The following CCDC152 variants were observed in gnomAD, a reference collection of about 807,000 sequenced individuals.
CCDC152 encodes the protein coiled-coil domain containing 152.
In CCDC152, 37 loss-of-function variants were observed where a neutral mutation model predicts 38.1. The observed-to-expected ratio is 0.97, with a 90% CI of 0.75 to 1.28. The LOEUF is 1.28. Ranked by LOEUF, CCDC152 falls within the 50% of genes most tolerant of loss-of-function variation. The pLI is 0.00. For synonymous variants in CCDC152, 83 were observed against 87.1 expected (o/e 0.95, Z 0.26); for missense variants, 259 against 292.1 (o/e 0.89, Z 0.83).
intron 2 of CCDC152, 67 bp from the exon 3 acceptor site, chr5:42,762,376 A>G: frequency 3.7e-6 from 3 of 812,560 alleles, no homozygotes; most frequent in Non-Finnish European, 4.0e-6. Context: ...TAGTCTGCAT[A>G]TACTTAATAA....
At chr5:42,758,021 C>A (rs1484891989) in intron 1 of CCDC152, among the ~76,000 whole-genome samples, 1 of 152,048 alleles carries the variant, frequency 6.6e-6, no homozygotes, top group African/African-American at 2.4e-5. Context: ...TCATGGGAGG[C>A]TATTAACAAA....
intron 1 of CCDC152, 37 bp from the exon 2 acceptor site, chr5:42,759,080 ATTT>A: frequency 7.6e-7 from 1 of 1,318,272 alleles, no homozygotes; most frequent in Non-Finnish European, 1.1e-6. Context: ...TTTAGATCTT[ATTT>A]ATTTATTTAA....
chr5:42,793,479 G>A (rs1760033097), intron 6 of CCDC152, among the ~76,000 whole-genome samples: 1 of 151,990 alleles, frequency 6.6e-6, no homozygotes, highest in Non-Finnish European at 1.5e-5. Context: ...ACCTAAGCAA[G>A]CTCAATTATA....
At chr5:42,768,227 T>C (rs1251711188) in intron 3 of CCDC152, among the ~76,000 whole-genome samples, 1 of 152,218 alleles carries the variant, frequency 6.6e-6, no homozygotes, top group African/African-American at 2.4e-5. Flanking sequence ...ACAAAACATA[T>C]GTTATTTTCA....
intron 6 of CCDC152, among the ~76,000 whole-genome samples, chr5:42,785,663 G>A (rs1326649046): frequency 6.6e-6 from 1 of 152,066 alleles, no homozygotes; most frequent in Non-Finnish European, 1.5e-5. Context: ...TCAGTACTAT[G>A]TTGAATAGGG....
chr5:42,796,257 A>G (rs970889121), intron 6 of CCDC152, among the ~76,000 whole-genome samples: 5 of 151,824 alleles, frequency 3.3e-5, no homozygotes, highest in Admixed American at 6.6e-5. Flanking sequence ...TAAAATTAAA[A>G]AAAAAAAAAA....
intron 4 of CCDC152, among the ~76,000 whole-genome samples, chr5:42,777,308 C>G (rs1482652015): frequency 6.6e-6 from 1 of 151,842 alleles, no homozygotes; most frequent in Non-Finnish European, 1.5e-5. Flanking sequence ...ACCAAAAATA[C>G]AAAAATTAGC....
rs189123 is a variant in CCDC152, at chr5:42,798,132, C to T, written c.558+1176C>T. Among the ~76,000 whole-genome samples the T allele has an allele frequency of 2.1e-3, 317 of 152,172 alleles. 2 individuals carry two copies. The highest frequency in any genetic ancestry group is 7.2e-3 in the African/African-American group (300 of 41,536). ...TGCCACTGCACTCCAGCCTGGGCAA[C>T]AGAACGAAAAAAATAAATAAATAAA... is the stretch of plus-strand genomic sequence containing the variant. On this transcript the variant is annotated intron_variant, in intron 7 of 8. Transcript: ENST00000361970.
rs140571959 is a variant in CCDC152, at chr5:42,790,800, A to G, written c.431-6029A>G. ...GGAATAAGCTTGCCTTCGTAGCCCT[A>G]TCAAGCTCAGTCATTGACTGGGAGT... On this transcript the variant is annotated intron_variant, in intron 6 of 8. Transcript: ENST00000361970. Among the ~76,000 whole-genome samples, 207 of 152,354 alleles carry G rather than the reference A, an allele frequency of 1.4e-3. 1 individual carries two copies. Among genetic ancestry groups the G allele is most frequent in the African/African-American group, 4.7e-3 (196 of 41,588 alleles).
At position 42,767,748 on chromosome 5, in the gene CCDC152, G is replaced by T. The variant is rs190104075; in HGVS notation, c.194-1849G>T. On this transcript the variant is annotated intron_variant, in intron 3 of 8. Transcript: ENST00000361970. ...ACATTTTTGAAACATTCAGTTGCAG[G>T]GTTCTGTTCTCAATTTACGGATTAC... 9.9e-5 allele frequency among the ~76,000 whole-genome samples: 15 copies of T among 152,170 alleles called. No individual in the cohort carries two copies. The East Asian group carries it at 1.9e-3, about 20-fold the overall frequency.
intron 2 of CCDC152, 98 bp downstream of exon 2, chr5:42,759,306 T>C: frequency 1.6e-6 from 1 of 619,890 alleles, no homozygotes; most frequent in Non-Finnish European, 2.8e-6. Flanking sequence ...TACCAAAAAA[T>C]GATCAAGATA....
At chr5:42,793,354 T>G (rs1760030873) in intron 6 of CCDC152, among the ~76,000 whole-genome samples, 1 of 152,154 alleles carries the variant, frequency 6.6e-6, no homozygotes, top group South Asian at 2.1e-4. Flanking sequence ...CTGATCGTGG[T>G]GATGGTTAGA....
intron 6 of CCDC152, among the ~76,000 whole-genome samples, chr5:42,794,939 G>C (rs867428322): frequency 6.6e-6 from 1 of 151,962 alleles, no homozygotes; most frequent in African/African-American, 2.4e-5. Flanking sequence ...CAATCTAATA[G>C]AGGAGGAAAA....
intron 6 of CCDC152, among the ~76,000 whole-genome samples, chr5:42,793,755 C>T (rs543494433): frequency 3.9e-5 from 6 of 152,234 alleles, no homozygotes; most frequent in African/African-American, 7.2e-5. Context: ...CCCACAGGCA[C>T]GTGTCACCAT....
intron 4 of CCDC152, among the ~76,000 whole-genome samples, chr5:42,776,568 A>C (rs930336823): frequency 6.6e-6 from 1 of 152,228 alleles, no homozygotes; most frequent in Non-Finnish European, 1.5e-5. Flanking sequence ...TCAATTGACT[A>C]TAATGGACAT....
intron 6 of CCDC152, among the ~76,000 whole-genome samples, chr5:42,793,401 C>A (rs547324543): frequency 6.6e-6 from 1 of 152,024 alleles, no homozygotes; most frequent in South Asian, 2.1e-4. Context: ...TCAAACTATA[C>A]GCCTCAAAAG....
In CCDC152 at chr5:42,789,170, G is replaced by A. The variant is rs551779225; in HGVS notation, c.430+5594G>A. On this transcript the variant is annotated intron_variant, in intron 6 of 8. Coordinates refer to ENST00000361970, the MANE Select transcript of CCDC152 (RefSeq NM_001134848.2). ...GTCAGCAGATTGTTGCAGGAGTGAG[G>A]AAAGACAAGAAGCACCCTCACTTAC... Among the ~76,000 whole-genome samples the A allele has an allele frequency of 3.3e-5, 5 of 152,324 alleles. No individual in the cohort carries two copies. The East Asian group carries it at 7.7e-4, about 23-fold the overall frequency.
rs748559229 is a variant in CCDC152 at position 42,801,023 on chromosome 5, A to C, written c.*1242A>C. ...GCAATTTACAGAGTAATTGATTTAT[A>C]CATCTCTTTCGACAGAGCTTCTTTT... On this transcript the variant is annotated 3_prime_UTR_variant, in exon 9 of 9. Transcript: ENST00000361970. 6 of 1,614,028 alleles carry C rather than the reference A, an allele frequency of 3.7e-6. No homozygotes were observed. In the East Asian group the frequency reaches 1.1e-4, roughly 30 times the overall value.
chr5:42,775,024 A>C (rs1027114134), intron 4 of CCDC152, among the ~76,000 whole-genome samples: 6 of 117,888 alleles, frequency 5.1e-5, no homozygotes, highest in African/African-American at 1.9e-4. Context: ...CTGAAATTTC[A>C]GAAAAAAAAA....
Sources: allele counts gnomAD v4.1 joint callset (sites outside exome capture counted in the v4.1 genomes callset), GRCh38; gene constraint gnomAD v4.1.1; transcripts MANE v1.5; gene names NCBI Gene and HGNC (gene_info 2026-07-23, HGNC 2026-07-21).